Variants in RNF138 observed in about 807,000 individuals in gnomAD.
RNF138 encodes ring finger protein 138, also known as E3 ubiquitin-protein ligase RNF138.
Under a neutral mutation model 31.0 loss-of-function variants are expected in RNF138, and 12 were observed. The observed-to-expected ratio is 0.39, with a 90% confidence interval of 0.25 to 0.63. The LOEUF (loss-of-function observed/expected upper bound fraction) is 0.63. RNF138 is among the 20% of genes least tolerant of loss of function. RNF138 has a pLI of 0.52. For synonymous variants in RNF138, 105 were observed against 99.5 expected, an observed-to-expected ratio of 1.06 and a Z score of -0.33; for missense variants, 192 against 300.1, an observed-to-expected ratio of 0.64 and a Z score of 2.66.
At chr18:32,109,392 CAA>C (rs1459092782) in intron 2 of RNF138, 5 of 152,458 alleles carry the variant, frequency 3.3e-5, no homozygotes, top group Admixed American at 3.3e-4. Context: ...CTCAGCCTCT[CAA>C]AGTGCAGGAT....
chr18:32,108,555 G>A (rs2040074221), intron 2 of RNF138, among the ~76,000 whole-genome samples: 1 of 152,060 alleles, frequency 6.6e-6, no homozygotes, highest in Non-Finnish European at 1.5e-5. Flanking sequence ...ACCATAATTA[G>A]TTATGCATTC....
chr18:32,108,363 C>G (rs2040071776), intron 2 of RNF138, among the ~76,000 whole-genome samples: 1 of 152,090 alleles, frequency 6.6e-6, no homozygotes, highest in Non-Finnish European at 1.5e-5. Context: ...ATACCATTAT[C>G]CTGACCTTTA....
chr18:32,107,367 C>T (rs916969725), intron 2 of RNF138, among the ~76,000 whole-genome samples: 7 of 151,448 alleles, frequency 4.6e-5, no homozygotes, highest in African/African-American at 1.7e-4. Context: ...GCAGTCCGCC[C>T]TCCTCGGCCT....
In RNF138 at chr18:32,097,651, G is replaced by A. The variant is rs575556413; in HGVS notation, c.110+4765G>A. Among the ~76,000 whole-genome samples the A allele has an allele frequency of 2.6e-5, 4 of 152,074 alleles. No individual in the cohort carries two copies. The South Asian group carries it at 8.3e-4, about 32-fold the overall frequency. On this transcript the variant is annotated intron_variant, in intron 2 of 7. Coordinates refer to ENST00000261593, the MANE Select transcript of RNF138 (RefSeq NM_016271.5). ...GGCACAACAAGTAGCTGGACTACAG[G>A]CATGCACCACCATGCTCGGCTAATT... is the stretch of plus-strand genomic sequence containing the variant.
intron 2 of RNF138, among the ~76,000 whole-genome samples, chr18:32,095,532 C>T: frequency 6.6e-6 from 1 of 152,120 alleles, no homozygotes; most frequent in African/African-American, 2.4e-5. Context: ...AAAGGACAGA[C>T]CTATGCCTTT....
chr18:32,099,375 A>G (rs1407618890), intron 2 of RNF138, among the ~76,000 whole-genome samples: 1 of 152,140 alleles, frequency 6.6e-6, no homozygotes, highest in African/African-American at 2.4e-5. Flanking sequence ...AAGGAACAGT[A>G]AAATTGGAGA....
At chr18:32,115,763 ACACACGCACG>A (rs1239784841) in intron 4 of RNF138, among the ~76,000 whole-genome samples, 1 of 151,972 alleles carries the variant, frequency 6.6e-6, no homozygotes, top group Non-Finnish European at 1.5e-5. Flanking sequence ...ACACACGCAC[ACACACGCACG>A]CACGCACACA....
At chr18:32,128,066 C>T (rs937837563) in intron 7 of RNF138, among the ~76,000 whole-genome samples, 34 of 141,056 alleles carry the variant, frequency 2.4e-4, no homozygotes, top group Admixed American at 5.3e-4. Flanking sequence ...GGTGACAGTG[C>T]GAGACTCCGT....
intron 2 of RNF138, among the ~76,000 whole-genome samples, chr18:32,093,385 C>G (rs890011004): frequency 2.0e-5 from 3 of 152,182 alleles, no homozygotes; most frequent in African/African-American, 7.2e-5. Flanking sequence ...TCTTTCAGAA[C>G]CTTGGTCCGT....
intron 4 of RNF138, among the ~76,000 whole-genome samples, chr18:32,120,199 T>TA (rs2040281166): frequency 6.6e-6 from 1 of 152,188 alleles, no homozygotes; most frequent in Non-Finnish European, 1.5e-5. Flanking sequence ...GTAGATCTTT[T>TA]AGTTTTACAG....
rs1295118964 is a variant in RNF138, at chr18:32,129,227, C to T, written c.*40C>T. 11 of 1,370,292 alleles carry T rather than the reference C, an allele frequency of 8.0e-6. No individual in the cohort carries two copies. Among genetic ancestry groups the T allele is most frequent in the Non-Finnish European group, 1.1e-5 (11 of 960,918 alleles). The allele number at this position is 1,370,292 out of a possible 1,614,324, so 84.9% of individuals were successfully genotyped here. ...TCTGCATCTTTGTACCTGCAAGTGCCATCTTTAAGGGGGAAACTACATGAA... is the reference window on the plus strand; with the variant it reads ...TCTGCATCTTTGTACCTGCAAGTGCTATCTTTAAGGGGGAAACTACATGAA... On this transcript the variant is annotated 3_prime_UTR_variant, in exon 8 of 8. Coordinates refer to ENST00000261593, the MANE Select transcript of RNF138 (RefSeq NM_016271.5).
chr18:32,119,326 TG>T, intron 4 of RNF138, among the ~76,000 whole-genome samples: 1 of 152,156 alleles, frequency 6.6e-6, no homozygotes, highest in East Asian at 1.9e-4. Flanking sequence ...TCTCAAACTC[TG>T]GGGATCAAAC....
chr18:32,121,148 CAAA>C (rs1199318351), intron 4 of RNF138, among the ~76,000 whole-genome samples: 1 of 137,360 alleles, frequency 7.3e-6, no homozygotes. Context: ...AAAAACAAAA[CAAA>C]AAAAAAGCAG....
intron 4 of RNF138, among the ~76,000 whole-genome samples, chr18:32,115,039 T>C (rs2040192798): frequency 6.6e-6 from 1 of 152,174 alleles, no homozygotes; most frequent in Admixed American, 6.5e-5. Context: ...TCTGGGTTTC[T>C]TCATTTCTAT....
chr18:32,111,640 G>T, intron 2 of RNF138, 114 bp from the exon 3 acceptor site: 1 of 827,942 alleles, frequency 1.2e-6, no homozygotes. Flanking sequence ...GTACATATGA[G>T]TAGCCTAACT....
intron 4 of RNF138, among the ~76,000 whole-genome samples, chr18:32,116,829 C>A (rs533193737): frequency 2.0e-3 from 299 of 152,292 alleles, no homozygotes; most frequent in South Asian, 4.1e-3. Flanking sequence ...CGGTGATCCA[C>A]CTGCCTTGGC....
In RNF138 at chr18:32,111,922, A is replaced by G; in HGVS notation, c.276+3A>G. 6.3e-7 allele frequency: 1 copy of G among 1,590,838 alleles called. No homozygotes were observed. Among genetic ancestry groups the G allele is most frequent in the Non-Finnish European group, 8.6e-7 (1 of 1,169,488 alleles). On this transcript the variant is annotated splice_donor_region_variant and intron_variant, in intron 3 of 7. Transcript: ENST00000261593. ...GCTGCAGATGCTGTGCAAAACAGGT[A>G]GAGTAAATGTGACATCTCTCTTCTT...
chr18:32,109,012 A>G (rs991184448), intron 2 of RNF138, among the ~76,000 whole-genome samples: 2 of 152,114 alleles, frequency 1.3e-5, no homozygotes, highest in African/African-American at 2.4e-5. Context: ...AGTGGAATTT[A>G]TGCGCTCTAA....
At chr18:32,113,700 A>C in intron 3 of RNF138, 45 bp from the exon 4 acceptor site, 1 of 866,724 alleles carries the variant, frequency 1.2e-6, no homozygotes, top group Non-Finnish European at 1.8e-6. Flanking sequence ...TTCAAATCTT[A>C]CGAGTTCTAT....
Sources: gnomAD v4.1 joint callset for allele counts (sites outside exome capture counted in the v4.1 genomes callset) on GRCh38, gnomAD v4.1.1 for gene constraint, MANE v1.5 for transcripts, NCBI Gene and HGNC (gene_info 2026-07-23, HGNC 2026-07-21) for gene names.